MED23: variants seen among roughly 807,000 people sequenced by gnomAD.
The protein encoded by MED23 is mediator complex subunit 23.
Under a neutral mutation model 163.9 loss-of-function variants are expected in MED23, and 105 were observed. The ratio of observed to expected loss-of-function variants is 0.64; its 90% CI spans 0.55 to 0.75. MED23 has a LOEUF of 0.75. Ranked by LOEUF, MED23 falls within the 30% of genes least tolerant of loss-of-function variation. The probability of loss-of-function intolerance (pLI) is 0.00; values close to 1 mark genes in which losing one functional copy is unlikely to be tolerated. For missense variants in MED23, 1,054 were observed against 1,649.0 expected (o/e 0.64, Z 6.25); for synonymous variants, 561 against 565.6 (o/e 0.99, Z 0.12).
intron 23 of MED23, 27 bp from the exon 24 acceptor site, chr6:131,593,198 T>C (rs756069683): frequency 2.2e-5 from 35 of 1,613,416 alleles, no homozygotes; most frequent in Non-Finnish European, 2.9e-5. Flanking sequence ...CAATAACAAT[T>C]GGACTATCTC....
At position 131,587,517 on chromosome 6, in the gene MED23, T is replaced by G. The variant is rs145833305; in HGVS notation, c.*162A>C. 576 of 1,472,590 alleles carry G rather than the reference T, an allele frequency of 3.9e-4. 2 individuals are homozygous for G. The East Asian group carries it at 0.013, about 33-fold the overall frequency. The allele number at this position is 1,472,590 out of a possible 1,614,324, so 91.2% of individuals were successfully genotyped here. ...AATATAGATAGGGAGATGGGAGTTA[T>G]AAGGTGTCAACAGATTCATCATTTG... On this transcript the variant is annotated 3_prime_UTR_variant, in exon 29 of 29. Transcript: ENST00000368068.
At chr6:131,627,967 C>T (rs745527752) in intron 1 of MED23, 44 bp downstream of exon 1, 9 of 1,613,274 alleles carry the variant, frequency 5.6e-6, no homozygotes, top group Non-Finnish European at 7.6e-6. Flanking sequence ...CCGCGTCTCC[C>T]CGTCCCCAAG....
At chr6:131,623,194 CTG>C (rs1585571881) in intron 5 of MED23, among the ~76,000 whole-genome samples, 155 bp downstream of exon 5, 1 of 152,188 alleles carries the variant, frequency 6.6e-6, no homozygotes, top group Non-Finnish European at 1.5e-5. Context: ...AGGGAAACAA[CTG>C]AGTAACTTTA....
Position 131,602,256 on chromosome 6 carries a change from G to A in MED23, c.2057C>T (p.Ala686Val), listed in dbSNP as rs1353406799. The change falls in exon 17 of 29, where the codon GCC becomes GTC. Residue 686 changes from alanine to valine, a missense_variant. Transcript: ENST00000368068. The stretch of plus-strand genomic sequence containing the variant: ...TGCTCTAGCCAAGGTCAATATCAAG[G>A]CTCGGTTCAGTTCTTCAGATTCTGC... Reference protein sequence around the residue: ...LSAESEELNRALILTLARATH... With the variant: ...LSAESEELNRVLILTLARATH... 1 of 1,613,872 alleles carries A rather than the reference G, an allele frequency of 6.2e-7. No homozygotes were observed. Among genetic ancestry groups the A allele is most frequent in the Non-Finnish European group, 8.5e-7 (1 of 1,179,824 alleles).
chr6:131,594,395 C>T, intron 22 of MED23, 60 bp from the exon 23 acceptor site: 1 of 1,248,290 alleles, frequency 8.0e-7, no homozygotes, highest in African/African-American at 1.5e-5. Context: ...CTGTGAAAAA[C>T]TGATCAACTG....
chr6:131,614,907 C>G (rs1411076766), intron 10 of MED23, among the ~76,000 whole-genome samples: 3 of 150,672 alleles, frequency 2.0e-5, no homozygotes, highest in Non-Finnish European at 4.4e-5. Flanking sequence ...TTTTAGTAGT[C>G]TGGAAAGATA....
chr6:131,615,676 A>C (rs1263937884), intron 10 of MED23: 5 of 616,938 alleles, frequency 8.1e-6, no homozygotes, highest in Non-Finnish European at 1.4e-5. Flanking sequence ...TTATAGAAAA[A>C]AAAGCAATGC....
downstream of MED23, among the ~76,000 whole-genome samples, chr6:131,585,750 A>AT (rs909626056): frequency 1.4e-4 from 22 of 152,090 alleles, no homozygotes; most frequent in African/African-American, 7.2e-5. Flanking sequence ...ACATAAAGGC[A>AT]TTTTTTTCCC....
intron 10 of MED23, among the ~76,000 whole-genome samples, chr6:131,612,690 C>T (rs533392726): frequency 6.6e-6 from 1 of 151,996 alleles, no homozygotes; most frequent in Non-Finnish European, 1.5e-5. Flanking sequence ...TCTATTTCTA[C>T]CTAGTAGCCC....
At chr6:131,615,175 G>A (rs1343379386) in intron 10 of MED23, 3 of 636,936 alleles carry the variant, frequency 4.7e-6, no homozygotes, top group Non-Finnish European at 7.7e-6. Context: ...CATATCCCAA[G>A]AAGAAATCGT....
At chr6:131,605,219 A>T in intron 14 of MED23, 21 bp downstream of exon 14, 1 of 1,612,644 alleles carries the variant, frequency 6.2e-7, no homozygotes, top group Non-Finnish European at 8.5e-7. Context: ...ACATGGAACC[A>T]AATTAATAAA....
intron 9 of MED23, among the ~76,000 whole-genome samples, chr6:131,616,757 G>C (rs917902960): frequency 7.2e-5 from 11 of 152,150 alleles, no homozygotes; most frequent in Non-Finnish European, 1.3e-4. Flanking sequence ...AAAGGTTGAG[G>C]GTGCGGTGAG....
intron 13 of MED23, among the ~76,000 whole-genome samples, chr6:131,606,019 G>T (rs1248317610): frequency 6.6e-6 from 1 of 152,062 alleles, no homozygotes; most frequent in Non-Finnish European, 1.5e-5. Flanking sequence ...TCTAAGAATG[G>T]TATCTTCATT....
chr6:131,608,068 C>T lies in MED23; in HGVS notation c.1081G>A (p.Ala361Thr), dbSNP rs761959753. 1.9e-6 allele frequency: 3 copies of T among 1,613,630 alleles called. No individual in the cohort carries two copies. The South Asian group carries it at 3.3e-5, about 18-fold the overall frequency. The change falls in exon 12 of 29, where the codon GCA (alanine) becomes ACA (threonine). Residue 361 changes from alanine (A) to threonine (T), a missense_variant. Transcript: ENST00000368068. ...CTGCCTTTAATCAGTCCTCGCCCTG[C>T]TAACTATAAAAGATGTTTAAATACA... ...HMVLSLHQKL[A>T]GRGLIKGRDH...
chr6:131,590,309 G>A lies in MED23; in HGVS notation c.3807+13C>T, dbSNP rs747789776. ...ATTTAATCATGTCACAGGAAACCCAGATTATATTTTACCTCTATCATACAA... is the reference window on the plus strand; with the variant it reads ...ATTTAATCATGTCACAGGAAACCCAAATTATATTTTACCTCTATCATACAA... On this transcript the variant is annotated intron_variant, in intron 27 of 28. Coordinates refer to ENST00000368068, the MANE Select transcript of MED23 (RefSeq NM_004830.4). 6 of 1,609,768 alleles carry A rather than the reference G, an allele frequency of 3.7e-6. No homozygotes were observed. The highest frequency in any genetic ancestry group is 4.2e-6 in the Non-Finnish European group (5 of 1,176,820).
In MED23 at chr6:131,590,414, C is replaced by A. The variant is rs1397999561; in HGVS notation, c.3715G>T (p.Val1239Leu). The change falls in exon 27 of 29, where the codon GTG (valine) becomes TTG (leucine). Residue 1239 changes from valine to leucine, a missense_variant. Coordinates refer to ENST00000368068, the MANE Select transcript of MED23 (RefSeq NM_004830.4). ...KFLTEVLLPI[V>L]KTEFQLLYVY... ...TAAAGCAACTGGAATTCGGTCTTCA[C>A]TATAGGAAGAAGTACTTCAGTAAGA... 1.9e-6 allele frequency: 3 copies of A among 1,606,196 alleles called. No individual in the cohort carries two copies.
Position 131,594,135 on chromosome 6 carries a change from T to C in MED23, c.3196A>G (p.Thr1066Ala), listed in dbSNP as rs1774862093. Residue 1066 changes from threonine (T) to alanine (A), a missense_variant, in exon 23 of 29, where the codon ACC (threonine) becomes GCC (alanine). Thr to Ala is a moderately conservative substitution (Grantham distance 58). Transcript: ENST00000368068. ...REENPWVPDD[T>A]YYCRLIGRLV... is the part of the protein sequence containing the mutation. ...CTGCCAATCAATCTGCAATAGTAGG[T>C]GTCATCTGGAACCCAAGGATTTTCC... 2.5e-6 allele frequency: 4 copies of C among 1,614,124 alleles called. No individual in the cohort carries two copies. The highest frequency in any genetic ancestry group is 3.4e-6 in the Non-Finnish European group (4 of 1,180,002).
At chr6:131,626,459 T>C (rs1054043183) in intron 3 of MED23, among the ~76,000 whole-genome samples, 5 of 152,048 alleles carry the variant, frequency 3.3e-5, no homozygotes, top group African/African-American at 4.8e-5. Flanking sequence ...CTTGGACTGA[T>C]AGGGAATTAC....
At position 131,602,096 on chromosome 6, in the gene MED23, C is replaced by A. The variant is rs1042931249; in HGVS notation, c.2095+122G>T. On this transcript the variant is annotated intron_variant, in intron 17 of 28. Coordinates refer to ENST00000368068, the MANE Select transcript of MED23 (RefSeq NM_004830.4). Reference sequence around the variant, plus strand: ...GAGTGAAATAGTGAAGATATCAAAACAACAGGCTTTTTTCAAACAAATGAA... The same window carrying A: ...GAGTGAAATAGTGAAGATATCAAAAAAACAGGCTTTTTTCAAACAAATGAA... 6 of 1,136,294 alleles carry A rather than the reference C, an allele frequency of 5.3e-6. No individual in the cohort carries two copies. The Admixed American group carries it at 5.9e-5, about 11-fold the overall frequency. The allele number at this position is 1,136,294 out of a possible 1,614,324, so 70.4% of individuals were successfully genotyped here. A position where few individuals can be genotyped will look rare whatever the true frequency, so the allele number is the denominator to read the frequency against.
Sources: allele counts gnomAD v4.1 joint callset (sites outside exome capture counted in the v4.1 genomes callset), GRCh38; gene constraint gnomAD v4.1.1; transcripts MANE v1.5; gene names NCBI Gene and HGNC (gene_info 2026-07-23, HGNC 2026-07-21).